The following CPNE8 variants were observed in gnomAD, a reference collection of about 807,000 sequenced individuals.
CPNE8 encodes copine 8.
CPNE8 carries 45 observed loss-of-function variants against 81.5 expected under a neutral mutation model. The observed-to-expected ratio is 0.55, with a 90% CI of 0.44 to 0.71. The LOEUF is 0.71. Ranked by LOEUF, CPNE8 falls within the 30% of genes least tolerant of loss-of-function variation. The pLI, the probability that CPNE8 is intolerant of heterozygous loss-of-function variation, is 0.00. For synonymous variants in CPNE8, 252 were observed against 226.3 expected (o/e 1.11, Z -1.02); for missense variants, 594 against 672.1 (o/e 0.88, Z 1.28).
At chr12:38,792,615 A>C (rs1942352714) in intron 6 of CPNE8, among the ~76,000 whole-genome samples, 2 of 151,906 alleles carry the variant, frequency 1.3e-5, no homozygotes, top group Non-Finnish European at 3.0e-5. Context: ...TTAAAGCATA[A>C]GTCCCAATGG....
At chr12:38,886,869 A>C (rs1427956909) in intron 1 of CPNE8, among the ~76,000 whole-genome samples, 1 of 152,188 alleles carries the variant, frequency 6.6e-6, no homozygotes, top group Non-Finnish European at 1.5e-5. Flanking sequence ...TTCAGAGACA[A>C]AGACAGGCCC....
rs186055007 is a variant in CPNE8 at position 38,775,362 on chromosome 12, A to G, written c.471+876T>C. Among the ~76,000 whole-genome samples the G allele has an allele frequency of 6.6e-5, 10 of 152,306 alleles. No individual in the cohort carries two copies. In the East Asian group the frequency reaches 1.9e-3, roughly 29 times the overall value. On this transcript the variant is annotated intron_variant, in intron 7 of 19. Transcript: ENST00000331366. ...ACAACTTTTTGAGATAATAAAATAA[A>G]CTATGGCTCTCTCTATAAAAACTCT...
chr12:38,735,990 CT>C (rs1200570122), intron 10 of CPNE8, among the ~76,000 whole-genome samples: 1 of 151,680 alleles, frequency 6.6e-6, no homozygotes, highest in East Asian at 1.9e-4. Flanking sequence ...GTTAAATTTC[CT>C]TTGCTCTCTA....
intron 13 of CPNE8, among the ~76,000 whole-genome samples, chr12:38,709,172 G>A (rs936417667): frequency 6.6e-6 from 1 of 152,186 alleles, no homozygotes; most frequent in African/African-American, 2.4e-5. Flanking sequence ...TCTGGAACAT[G>A]CCCTGAAGCC....
intron 2 of CPNE8, 56 bp downstream of exon 2, chr12:38,874,415 C>T: frequency 3.1e-6 from 4 of 1,291,812 alleles, no homozygotes; most frequent in South Asian, 1.2e-5. Flanking sequence ...CTATGAGTTT[C>T]CTACAACTTT....
chr12:38,858,116 C>A (rs189712043), intron 3 of CPNE8, among the ~76,000 whole-genome samples: 1 of 152,168 alleles, frequency 6.6e-6, no homozygotes, highest in South Asian at 2.1e-4. Context: ...ATGTAAACAT[C>A]GAAATAACTT....
chr12:38,867,464 G>A (rs1943934016), intron 3 of CPNE8, among the ~76,000 whole-genome samples: 1 of 152,044 alleles, frequency 6.6e-6, no homozygotes, highest in Non-Finnish European at 1.5e-5. Context: ...GGAGCAGAGT[G>A]GAGACAATGT....
At chr12:38,902,352 GAAAGAAAGAAAGAAAGAAAGAAAGAAAGA>G (rs1944486716) in intron 1 of CPNE8, among the ~76,000 whole-genome samples, 1 of 61,218 alleles carries the variant, frequency 1.6e-5, no homozygotes, top group African/African-American at 9.1e-5. Flanking sequence ...AAGAAAGAAA[GAAAGAAAGAAAGAAAGAAAGAAAGAAAGA>G]AAAGAAAGAA....
At chr12:38,816,283 T>A (rs1205714884) in intron 6 of CPNE8, among the ~76,000 whole-genome samples, 1 of 152,142 alleles carries the variant, frequency 6.6e-6, no homozygotes, top group African/African-American at 2.4e-5. Context: ...CAATAAACAT[T>A]TATTGAACTC....
intron 1 of CPNE8, among the ~76,000 whole-genome samples, chr12:38,895,883 T>C (rs1944381818): frequency 6.6e-6 from 1 of 152,116 alleles, no homozygotes; most frequent in African/African-American, 2.4e-5. Context: ...ATTAGACATA[T>C]ATGGATAGGA....
intron 1 of CPNE8, among the ~76,000 whole-genome samples, chr12:38,895,008 C>T (rs1024354907): frequency 6.6e-6 from 1 of 152,022 alleles, no homozygotes; most frequent in Admixed American, 6.6e-5. Flanking sequence ...CCAGTTATGG[C>T]AATTATAATC....
intron 6 of CPNE8, among the ~76,000 whole-genome samples, chr12:38,817,796 C>T (rs546102977): frequency 6.6e-6 from 1 of 151,334 alleles, no homozygotes; most frequent in African/African-American, 2.4e-5. Context: ...GCTAATTTTT[C>T]GTATTTTTAG....
chr12:38,795,168 C>A (rs1265104283), intron 6 of CPNE8, among the ~76,000 whole-genome samples: 2 of 152,206 alleles, frequency 1.3e-5, no homozygotes, highest in African/African-American at 2.4e-5. Flanking sequence ...CTGCTACTAG[C>A]TTCCTTGCTC....
At position 38,843,018 on chromosome 12, in the gene CPNE8, T is replaced by C. The variant is rs186846469; in HGVS notation, c.291-3063A>G. ...TACAATGTATACGTGTACCTGTGTA[T>C]CTGTTTATAAGTTCCATACTTTCTT... On this transcript the variant is annotated intron_variant, in intron 4 of 19. Coordinates refer to ENST00000331366, the MANE Select transcript of CPNE8 (RefSeq NM_153634.3). 2.1e-3 allele frequency among the ~76,000 whole-genome samples: 320 copies of C among 152,344 alleles called. 2 individuals carry two copies. The highest frequency in any genetic ancestry group is 7.4e-3 in the African/African-American group (306 of 41,586).
chr12:38,898,885 A>G (rs1944422960), intron 1 of CPNE8, among the ~76,000 whole-genome samples: 1 of 152,172 alleles, frequency 6.6e-6, no homozygotes, highest in Admixed American at 6.5e-5. Context: ...GTAACATGTA[A>G]ACTTGCAAAG....
intron 7 of CPNE8, among the ~76,000 whole-genome samples, chr12:38,770,212 T>A (rs1941774420): frequency 6.6e-6 from 1 of 152,200 alleles, no homozygotes; most frequent in Non-Finnish European, 1.5e-5. Context: ...ATCTAACGTC[T>A]ATCCATAAAC....
intron 7 of CPNE8, among the ~76,000 whole-genome samples, chr12:38,769,859 T>G (rs1941765538): frequency 6.6e-6 from 1 of 152,142 alleles, no homozygotes; most frequent in Non-Finnish European, 1.5e-5. Context: ...GAATAACTGA[T>G]TCAAAATAAA....
intron 19 of CPNE8, among the ~76,000 whole-genome samples, chr12:38,655,836 T>C (rs1179323187): frequency 6.6e-6 from 1 of 152,052 alleles, no homozygotes; most frequent in Non-Finnish European, 1.5e-5. Context: ...CACATGTATG[T>C]GACTAAAATT....
chr12:38,719,383 C>A lies in CPNE8; in HGVS notation c.914+4389G>T, dbSNP rs532667064. The stretch of plus-strand genomic sequence containing the variant: ...CTTTGGGAGGCCGAGAAGGGCAGAT[C>A]ACTCGAGGCCAGGAGTTCAAGACCA... On this transcript the variant is annotated intron_variant, in intron 13 of 19. Transcript: ENST00000331366. Among the ~76,000 whole-genome samples the A allele has an allele frequency of 2.6e-5, 4 of 152,048 alleles. No homozygotes were observed. The East Asian group carries it at 7.7e-4, about 29-fold the overall frequency.
Sources: allele counts gnomAD v4.1 joint callset (sites outside exome capture counted in the v4.1 genomes callset), GRCh38; gene constraint gnomAD v4.1.1; transcripts MANE v1.5; gene names NCBI Gene and HGNC (gene_info 2026-07-23, HGNC 2026-07-21).